MSTO1: variants seen among roughly 807,000 people sequenced by gnomAD.
MSTO1 encodes misato mitochondrial distribution and morphology regulator 1.
MSTO1 carries 24 observed loss-of-function variants against 55.7 expected under a neutral mutation model. The ratio of observed to expected loss-of-function variants is 0.43; its 90% CI spans 0.31 to 0.61. The LOEUF is 0.61. Ranked by LOEUF, MSTO1 falls within the 20% of genes least tolerant of loss-of-function variation. The probability of loss-of-function intolerance (pLI) is 0.09; values close to 1 mark genes in which losing one functional copy is unlikely to be tolerated. For synonymous variants in MSTO1, 162 were observed against 252.8 expected, an observed-to-expected ratio of 0.64 and a Z score of 3.41; for missense variants, 363 against 625.7, an observed-to-expected ratio of 0.58 and a Z score of 4.48.
At chr1:155,584,691 A>AAAG in the MSTO1 span, among the ~76,000 whole-genome samples, 14 of 75,612 alleles carry the variant, frequency 1.9e-4, no homozygotes, top group African/African-American at 3.9e-4. Flanking sequence ...AAAAAAAAAA[A>AAAG]AAAGAAAGAA....
At chr1:155,563,684 T>G in the MSTO1 span, 2 of 397,024 alleles carry the variant, frequency 5.0e-6, no homozygotes, top group South Asian at 3.6e-5. Context: ...TTAGTCTCCC[T>G]TTTCTTCCTT....
chr1:155,578,398 G>C, the MSTO1 span, among the ~76,000 whole-genome samples: 28 of 129,486 alleles, frequency 2.2e-4, no homozygotes, highest in African/African-American at 6.9e-4. Flanking sequence ...CCACACTGGC[G>C]TGCAGTCTTG....
At chr1:155,575,883 C>A in the MSTO1 span, among the ~76,000 whole-genome samples, 1 of 151,014 alleles carries the variant, frequency 6.6e-6, no homozygotes, top group South Asian at 2.1e-4. Context: ...AGTGCAATGG[C>A]GTGATCTCGG....
At chr1:155,592,746 C>T in the MSTO1 span, among the ~76,000 whole-genome samples, 1 of 151,916 alleles carries the variant, frequency 6.6e-6, no homozygotes, top group Non-Finnish European at 1.5e-5. Context: ...GTAGAGACAG[C>T]GTTTCCCCAA....
chr1:155,593,319 C>CA, the MSTO1 span, among the ~76,000 whole-genome samples: 1 of 152,198 alleles, frequency 6.6e-6, no homozygotes, highest in Non-Finnish European at 1.5e-5. Flanking sequence ...GTTAAGTACT[C>CA]AGAGAAGGAG....
chr1:155,609,243 A>ATATATATATTTTTTT (rs59756178), upstream of MSTO1, among the ~76,000 whole-genome samples: 7 of 54,574 alleles, frequency 1.3e-4, no homozygotes, highest in East Asian at 3.7e-3. Context: ...ATATATATAT[A>ATATATATATTTTTTT]TTTTTTTTTT....
chr1:155,574,418 T>G, the MSTO1 span, among the ~76,000 whole-genome samples: 2 of 152,166 alleles, frequency 1.3e-5, no homozygotes, highest in South Asian at 2.1e-4. Flanking sequence ...AATAGTATTG[T>G]TCCAACTTTA....
chr1:155,574,184 C>A, the MSTO1 span, among the ~76,000 whole-genome samples: 19 of 152,158 alleles, frequency 1.2e-4, no homozygotes, highest in African/African-American at 4.6e-4. Context: ...ATGGTGAAAC[C>A]CCATCTCAAC....
At position 155,614,702 on chromosome 1, in the gene MSTO1, G is replaced by C; in HGVS notation, c.*429G>C. ...GGGCGCCTGTTGGGTTTGGTCCTGTGTAGATGATTCCCAGAGTCTCATTCA... is the reference window on the plus strand; with the variant it reads ...GGGCGCCTGTTGGGTTTGGTCCTGTCTAGATGATTCCCAGAGTCTCATTCA... On this transcript the variant is annotated 3_prime_UTR_variant, in exon 14 of 14. Transcript: ENST00000245564. The C allele has an allele frequency of 6.4e-7, 1 of 1,574,104 alleles. No homozygotes were observed. The highest frequency in any genetic ancestry group is 8.7e-7 in the Non-Finnish European group (1 of 1,144,492).
the MSTO1 span, chr1:155,590,883 G>A: frequency 1.9e-6 from 3 of 1,611,926 alleles, no homozygotes; most frequent in South Asian, 2.2e-5. Context: ...GGACCCCTGA[G>A]GTGACAAAGA....
the MSTO1 span, among the ~76,000 whole-genome samples, chr1:155,574,251 G>A: frequency 6.6e-6 from 1 of 152,130 alleles, no homozygotes; most frequent in East Asian, 1.9e-4. Flanking sequence ...CAAGCTACTT[G>A]AGAGGCTGAA....
chr1:155,591,999 T>A, the MSTO1 span, among the ~76,000 whole-genome samples: 4 of 152,164 alleles, frequency 2.6e-5, no homozygotes, highest in Admixed American at 2.6e-4. Context: ...CACCACCTTG[T>A]GGCCCTTGAA....
chr1:155,595,368 C>T, the MSTO1 span, among the ~76,000 whole-genome samples: 10 of 151,974 alleles, frequency 6.6e-5, no homozygotes, highest in East Asian at 1.4e-3. Context: ...TTAGTGGAGA[C>T]GGAGTTTCAC....
the MSTO1 span, among the ~76,000 whole-genome samples, chr1:155,583,050 T>C: frequency 6.6e-6 from 1 of 150,408 alleles, no homozygotes; most frequent in Admixed American, 6.6e-5. Context: ...AAAAAAAAAA[T>C]TGTAGAGTTG....
rs1675189369 is a variant in MSTO1 at position 155,614,457 on chromosome 1, A to C, written c.*184A>C. 1.6e-6 allele frequency: 1 copy of C among 608,482 alleles called. No homozygotes were observed. Among genetic ancestry groups the C allele is most frequent in the East Asian group, 2.8e-5 (1 of 36,194 alleles). 37.7% of individuals were successfully genotyped at this position (608,482 alleles called of 1,614,324 possible). On this transcript the variant is annotated 3_prime_UTR_variant, in exon 14 of 14. Transcript: ENST00000245564. The stretch of plus-strand genomic sequence containing the variant: ...AAATATGTGCCATCAGACCAAAAAA[A>C]AGTAGAGAAAGGAGCTGAACTCCAC...
At chr1:155,576,683 A>C in the MSTO1 span, among the ~76,000 whole-genome samples, 2 of 151,748 alleles carry the variant, frequency 1.3e-5, no homozygotes, top group Non-Finnish European at 2.9e-5. Flanking sequence ...ATTGCATAAC[A>C]CACGATAATG....
At chr1:155,571,217 C>T in the MSTO1 span, among the ~76,000 whole-genome samples, 71 of 152,296 alleles carry the variant, frequency 4.7e-4, no homozygotes, top group Non-Finnish European at 7.9e-4. Flanking sequence ...CTTGTCGAAC[C>T]TGTGGCCCAT....
chr1:155,579,296 A>G, the MSTO1 span, among the ~76,000 whole-genome samples: 2 of 151,628 alleles, frequency 1.3e-5, no homozygotes, highest in Non-Finnish European at 2.9e-5. Flanking sequence ...CTGGGCAACA[A>G]GAGTGAAACT....
At chr1:155,569,101 G>A in the MSTO1 span, among the ~76,000 whole-genome samples, 1 of 151,814 alleles carries the variant, frequency 6.6e-6, no homozygotes, top group South Asian at 2.1e-4. Context: ...TGTTCCACCT[G>A]CCTCGGCCTC....
Sources: gnomAD v4.1 joint callset for allele counts (sites outside exome capture counted in the v4.1 genomes callset) on GRCh38, gnomAD v4.1.1 for gene constraint, MANE v1.5 for transcripts, NCBI Gene and HGNC (gene_info 2026-07-23, HGNC 2026-07-21) for gene names.